Variants in THSD4 observed in about 807,000 individuals in gnomAD.
THSD4 encodes the protein thrombospondin type 1 domain containing 4.
THSD4 carries 69 observed loss-of-function variants against 119.0 expected under a neutral mutation model. That is an observed-to-expected ratio of 0.58 (90% confidence interval 0.48 to 0.71). The LOEUF is 0.71. Ranked by LOEUF, THSD4 falls within the 30% of genes least tolerant of loss-of-function variation. THSD4 has a pLI of 0.00. For missense variants in THSD4, 1,393 were observed against 1,391.1 expected (o/e 1.00, Z -0.02); for synonymous variants, 524 against 540.4 (o/e 0.97, Z 0.42).
At chr15:71,341,540 A>G in intron 6 of THSD4, 1 of 1,610,656 alleles carries the variant, frequency 6.2e-7, no homozygotes, top group African/African-American at 1.3e-5. Context: ...TCGGAATGGT[A>G]CACACTGTTT....
At chr15:71,345,665 T>C (rs1301729096) in intron 6 of THSD4, among the ~76,000 whole-genome samples, 1 of 152,230 alleles carries the variant, frequency 6.6e-6, no homozygotes, top group African/African-American at 2.4e-5. Context: ...TGAATGTCTA[T>C]GTCAGGTGGA....
At chr15:71,440,271 C>A (rs2047072118) in intron 7 of THSD4, among the ~76,000 whole-genome samples, 1 of 152,140 alleles carries the variant, frequency 6.6e-6, no homozygotes, top group Non-Finnish European at 1.5e-5. Flanking sequence ...TCAATATAAG[C>A]TTTGTCTCCC....
intron 6 of THSD4, among the ~76,000 whole-genome samples, chr15:71,309,373 G>A (rs917773659): frequency 1.3e-5 from 2 of 152,160 alleles, no homozygotes; most frequent in Admixed American, 1.3e-4. Context: ...TATTGTTAAA[G>A]TGTAAGCGTT....
chr15:71,250,785 A>G (rs552789361), intron 5 of THSD4, among the ~76,000 whole-genome samples: 1 of 152,336 alleles, frequency 6.6e-6, no homozygotes, highest in East Asian at 1.9e-4. Flanking sequence ...GATCTCGAAT[A>G]TTTAAAAATC....
rs1269603649 is a variant in THSD4, at chr15:71,746,935, C to CT, written c.2135dup (p.Thr713AspfsTer14). On this transcript the variant is annotated frameshift_variant, in exon 13 of 18. Coordinates refer to ENST00000261862, the MANE Select transcript of THSD4 (RefSeq NM_024817.3). LOFTEE classifies it high-confidence loss of function. The stretch of plus-strand genomic sequence containing the variant: ...CCGCCAGGTGTACGCCAACCGCAGC[C>CT]TGACGGTGCAGCCCTACCGCTGCCA... 1 of 1,613,936 alleles carries CT rather than the reference C, an allele frequency of 6.2e-7. No individual in the cohort carries two copies. Among genetic ancestry groups the CT allele is most frequent in the South Asian group, 1.1e-5 (1 of 91,076 alleles).
chr15:71,508,090 C>T (rs766926683), intron 7 of THSD4, among the ~76,000 whole-genome samples: 3 of 152,126 alleles, frequency 2.0e-5, no homozygotes, highest in Admixed American at 6.5e-5. Flanking sequence ...GCTAAGGGGG[C>T]GGGAGGACCA....
intron 9 of THSD4, chr15:71,730,231 C>T (rs1442490682): frequency 6.6e-6 from 1 of 152,100 alleles, no homozygotes; most frequent in African/African-American, 2.4e-5. Context: ...CACAGCTGGT[C>T]AATAGGAGAG....
chr15:71,648,291 G>A (rs919102034), intron 7 of THSD4, among the ~76,000 whole-genome samples: 7 of 152,052 alleles, frequency 4.6e-5, no homozygotes, highest in Non-Finnish European at 1.0e-4. Flanking sequence ...ATATCCATGG[G>A]GCTTCCTACT....
intron 8 of THSD4, among the ~76,000 whole-genome samples, chr15:71,713,677 A>G (rs1186757520): frequency 3.9e-5 from 6 of 152,208 alleles, no homozygotes; most frequent in African/African-American, 1.4e-4. Flanking sequence ...ACATCAAAGT[A>G]GAATTTAGAT....
At chr15:71,681,764 A>G (rs1022896694) in intron 8 of THSD4, among the ~76,000 whole-genome samples, 5 of 152,076 alleles carry the variant, frequency 3.3e-5, no homozygotes, top group Admixed American at 1.3e-4. Flanking sequence ...AGTTGTATCC[A>G]GTAAATATGG....
chr15:71,546,772 T>C (rs2048843709), intron 7 of THSD4, among the ~76,000 whole-genome samples: 1 of 152,230 alleles, frequency 6.6e-6, no homozygotes, highest in Admixed American at 6.5e-5. Flanking sequence ...GAGGCTGCCC[T>C]TGATAATGCA....
chr15:71,601,788 G>T (rs1035570901), intron 7 of THSD4, among the ~76,000 whole-genome samples: 2 of 152,172 alleles, frequency 1.3e-5, no homozygotes, highest in Non-Finnish European at 2.9e-5. Context: ...AAATATCATA[G>T]CACTCTTTTT....
intron 14 of THSD4, among the ~76,000 whole-genome samples, chr15:71,751,802 G>A (rs1474048166): frequency 6.6e-6 from 1 of 151,954 alleles, no homozygotes; most frequent in Admixed American, 6.6e-5. Flanking sequence ...TGAGTAGCTG[G>A]GATTACAGTT....
intron 15 of THSD4, among the ~76,000 whole-genome samples, chr15:71,762,178 C>CACACACAG (rs55645600): frequency 0.034 from 5,077 of 147,576 alleles, 368 homozygotes; most frequent in Non-Finnish European, 0.049. Context: ...CACACACACA[C>CACACACAG]AGAGATAGAG....
chr15:71,674,001 A>C (rs2051587754), intron 8 of THSD4, among the ~76,000 whole-genome samples: 1 of 152,144 alleles, frequency 6.6e-6, no homozygotes, highest in Admixed American at 6.5e-5. Flanking sequence ...TTTGCACCCA[A>C]CTGTCTGTCG....
intron 7 of THSD4, among the ~76,000 whole-genome samples, chr15:71,620,280 ATAT>A (rs1266998065): frequency 6.6e-6 from 1 of 152,194 alleles, no homozygotes; most frequent in African/African-American, 2.4e-5. Flanking sequence ...GGTGTCTAAC[ATAT>A]TATTGGTATT....
chr15:71,280,886 C>G (rs1026400962), intron 6 of THSD4, among the ~76,000 whole-genome samples: 2 of 152,192 alleles, frequency 1.3e-5, no homozygotes, highest in South Asian at 2.1e-4. Flanking sequence ...CAAATTTGAT[C>G]TTCAACTCTC....
At chr15:71,212,720 C>T (rs1293993371) in intron 3 of THSD4, among the ~76,000 whole-genome samples, 1 of 152,210 alleles carries the variant, frequency 6.6e-6, no homozygotes, top group African/African-American at 2.4e-5. Context: ...AGTCGGGAGA[C>T]AATTTTAGTC....
chr15:71,771,744 C>G (rs2053827239), intron 17 of THSD4, among the ~76,000 whole-genome samples: 1 of 152,186 alleles, frequency 6.6e-6, no homozygotes, highest in South Asian at 2.1e-4. Context: ...ACACAATGGT[C>G]AGAGTCCTGC....
Sources: allele counts gnomAD v4.1 joint callset (sites outside exome capture counted in the v4.1 genomes callset), GRCh38; gene constraint gnomAD v4.1.1; transcripts MANE v1.5; gene names NCBI Gene and HGNC (gene_info 2026-07-23, HGNC 2026-07-21).